The following ASPH variants were observed in gnomAD, a reference collection of about 807,000 sequenced individuals.
ASPH encodes aspartate beta-hydroxylase, also known as aspartyl/asparaginyl beta-hydroxylase.
A neutral mutation model predicts 118.4 loss-of-function variants in ASPH; 100 were observed. The observed-to-expected ratio is 0.84, with a 90% CI of 0.72 to 1.00. ASPH has a LOEUF of 1.00. Among genes scored for constraint, ASPH ranks in the 50% least tolerant of loss-of-function variants. The pLI, the probability that ASPH is intolerant of heterozygous loss-of-function variation, is 0.00. For missense variants in ASPH, 920 were observed against 919.5 expected, an observed-to-expected ratio of 1.00 and a Z score of -0.01; for synonymous variants, 315 against 325.6, an observed-to-expected ratio of 0.97 and a Z score of 0.35.
In ASPH at chr8:61,576,980, G is replaced by A. The variant is rs999016174; in HGVS notation, c.1063-122C>T. On this transcript the variant is annotated intron_variant, in intron 15 of 24. Coordinates refer to ENST00000379454, the MANE Select transcript of ASPH (RefSeq NM_004318.4). ...TCCTAGATTCCATCCTGAGTGTAAA[G>A]ATAGTTTTATCTAAGATTTTAAAAA... is the stretch of plus-strand genomic sequence containing the variant. The A allele has an allele frequency of 1.1e-5, 8 of 704,938 alleles. No homozygotes were observed. The Admixed American group carries it at 1.3e-4, about 11-fold the overall frequency. The allele number at this position is 704,938 out of a possible 1,614,324, so 43.7% of individuals were successfully genotyped here. A position where few individuals can be genotyped will look rare whatever the true frequency, so the allele number is the denominator to read the frequency against.
rs375943745 is a variant in ASPH at position 61,583,965 on chromosome 8, A to G, written c.1041T>C (p.Ala347=). The G allele has an allele frequency of 9.5e-6, 15 of 1,586,016 alleles. No homozygotes were observed. In the African/African-American group the frequency reaches 1.9e-4, roughly 20 times the overall value. ...CTACCCTTTTACGGAGTTTTTCTGC[A>G]GCATCAAGTTCAGCTTTAATAGTCT... ...FDKTIKAELD[A]AEKLRKRGKI... The change falls in exon 15 of 25, where the codon GCT becomes GCC. Residue 347 remains alanine, a synonymous_variant. Transcript: ENST00000379454.
chr8:61,683,917 T>C (rs1418547376), intron 2 of ASPH, 122 bp downstream of exon 2: 2 of 1,163,254 alleles, frequency 1.7e-6, no homozygotes, highest in African/African-American at 3.1e-5. Flanking sequence ...CTCACTCTAT[T>C]GAGAACCACT....
chr8:61,690,652 A>G (rs944771608), intron 1 of ASPH, among the ~76,000 whole-genome samples: 1 of 152,218 alleles, frequency 6.6e-6, no homozygotes, highest in African/African-American at 2.4e-5. Flanking sequence ...CACAAATAGT[A>G]TCTAGAGCAG....
chr8:61,606,366 A>C (rs1448296316), intron 14 of ASPH: 1 of 152,234 alleles, frequency 6.6e-6, no homozygotes, highest in Non-Finnish European at 1.5e-5. Flanking sequence ...AATTTCAATG[A>C]AGCATAAAAA....
intron 23 of ASPH, among the ~76,000 whole-genome samples, 163 bp from the exon 24 acceptor site, chr8:61,517,824 G>C (rs573478491): frequency 2.6e-5 from 4 of 152,080 alleles, no homozygotes; most frequent in Non-Finnish European, 5.9e-5. Flanking sequence ...CTAAAAATAA[G>C]CACTCACATT....
intron 10 of ASPH, among the ~76,000 whole-genome samples, chr8:61,639,252 CCT>C (rs1333095242): frequency 6.6e-6 from 1 of 151,984 alleles, no homozygotes; most frequent in Non-Finnish European, 1.5e-5. Flanking sequence ...TTCTCGTCAC[CCT>C]CTCTTTCTTC....
intron 1 of ASPH, among the ~76,000 whole-genome samples, chr8:61,705,815 G>A (rs1200254805): frequency 2.5e-5 from 3 of 118,362 alleles, no homozygotes; most frequent in African/African-American, 7.5e-5. Flanking sequence ...GTTAGCTACA[G>A]GCACATGTAA....
chr8:61,684,838 A>G (rs1386640853), intron 1 of ASPH: 1 of 152,150 alleles, frequency 6.6e-6, no homozygotes, highest in African/African-American at 2.4e-5. Flanking sequence ...TTCTTTTGTA[A>G]ATATTCTTCT....
At chr8:61,638,458 T>A in intron 10 of ASPH, 95 bp from the exon 11 acceptor site, 1 of 1,067,674 alleles carries the variant, frequency 9.4e-7, no homozygotes, top group Non-Finnish European at 1.4e-6. Flanking sequence ...GCCTTATGCA[T>A]CTTTGAACCT....
At chr8:61,699,440 C>T (rs766763577) in intron 1 of ASPH, among the ~76,000 whole-genome samples, 2 of 152,034 alleles carry the variant, frequency 1.3e-5, no homozygotes, top group Non-Finnish European at 2.9e-5. Context: ...GCAGGTACTG[C>T]AAGGTAAGTT....
chr8:61,663,908 C>T (rs770353310), intron 3 of ASPH: 2 of 918,058 alleles, frequency 2.2e-6, no homozygotes, highest in Admixed American at 6.2e-5. Context: ...TACACTTAAA[C>T]ATACTCATTT....
chr8:61,611,718 T>C (rs962570114), intron 14 of ASPH, among the ~76,000 whole-genome samples: 2 of 152,182 alleles, frequency 1.3e-5, no homozygotes, highest in Non-Finnish European at 2.9e-5. Flanking sequence ...TGAGTATGAA[T>C]TCTACTCAAA....
At chr8:61,655,661 TGA>T (rs1051274801) in intron 3 of ASPH, among the ~76,000 whole-genome samples, 2 of 152,206 alleles carry the variant, frequency 1.3e-5, no homozygotes, top group African/African-American at 4.8e-5. Flanking sequence ...ACAATGCCCC[TGA>T]GAGTCAGCTT....
intron 15 of ASPH, among the ~76,000 whole-genome samples, chr8:61,582,042 C>A (rs963851559): frequency 1.3e-5 from 2 of 152,122 alleles, no homozygotes; most frequent in South Asian, 4.1e-4. Context: ...CTCGGCTGGT[C>A]CAGTGCACTA....
chr8:61,626,991 T>A (rs1490502411), intron 13 of ASPH, among the ~76,000 whole-genome samples: 1 of 152,126 alleles, frequency 6.6e-6, no homozygotes, highest in Non-Finnish European at 1.5e-5. Context: ...ATCCCAATAT[T>A]TCCTTTCTTC....
intron 14 of ASPH, 100 bp from the exon 15 acceptor site, chr8:61,584,129 CACCAAAG>C: frequency 1.4e-6 from 1 of 702,394 alleles, no homozygotes; most frequent in Non-Finnish European, 2.3e-6. Flanking sequence ...TGCTGGTCTC[CACCAAAG>C]ACCTGCAGGA....
At chr8:61,638,508 G>C in intron 10 of ASPH, 145 bp from the exon 11 acceptor site, 1 of 694,314 alleles carries the variant, frequency 1.4e-6, no homozygotes, top group Non-Finnish European at 2.4e-6. Context: ...CTAGAGAGTA[G>C]GGTGGAGAAG....
chr8:61,700,059 G>C (rs1178214181), intron 1 of ASPH, among the ~76,000 whole-genome samples: 1 of 152,222 alleles, frequency 6.6e-6, no homozygotes. Context: ...AGGGCTGACT[G>C]ACACACAATG....
At chr8:61,510,930 G>A (rs2054769236) in intron 24 of ASPH, among the ~76,000 whole-genome samples, 4 of 152,030 alleles carry the variant, frequency 2.6e-5, no homozygotes. Context: ...AGGGAGAATA[G>A]TAAAAAAAGG....
Sources: allele counts gnomAD v4.1 joint callset (sites outside exome capture counted in the v4.1 genomes callset), GRCh38; gene constraint gnomAD v4.1.1; transcripts MANE v1.5; gene names NCBI Gene and HGNC (gene_info 2026-07-23, HGNC 2026-07-21).